The following GRM7 variants were observed in gnomAD, a reference collection of about 807,000 sequenced individuals.
GRM7 encodes glutamate metabotropic receptor 7.
Under a neutral mutation model 84.5 loss-of-function variants are expected in GRM7, and 35 were observed. The ratio of observed to expected loss-of-function variants is 0.41; its 90% CI spans 0.32 to 0.55. The LOEUF (loss-of-function observed/expected upper bound fraction) is 0.55. Ranked by LOEUF, GRM7 falls within the 20% of genes least tolerant of loss-of-function variation. The pLI, the probability that GRM7 is intolerant of heterozygous loss-of-function variation, is 0.19. For missense variants in GRM7, 1,003 were observed against 1,194.6 expected, an observed-to-expected ratio of 0.84 and a Z score of 2.36; for synonymous variants, 487 against 455.1, an observed-to-expected ratio of 1.07 and a Z score of -0.89.
rs73019805 is a variant in GRM7 at position 7,543,516 on chromosome 3, G to A, written c.1516-34906G>A. Among the ~76,000 whole-genome samples, 345 of 152,312 alleles carry A rather than the reference G, an allele frequency of 2.3e-3. 2 individuals are homozygous for A. The highest frequency in any genetic ancestry group is 6.8e-3 in the Middle Eastern group (2 of 294). On this transcript the variant is annotated intron_variant, in intron 7 of 9. Transcript: ENST00000357716. ...GGCCACGTTTTCACTTTCCAGCCAC[G>A]CATTCAGCTAATTGCTTTGGCAGCA...
At chr3:7,441,930 C>T (rs1278484235) in intron 5 of GRM7, among the ~76,000 whole-genome samples, 1 of 150,572 alleles carries the variant, frequency 6.6e-6, no homozygotes, top group East Asian at 1.9e-4. Context: ...CAGTTTTGTT[C>T]TTTTTGCTTA....
intron 1 of GRM7, among the ~76,000 whole-genome samples, chr3:7,026,338 T>C (rs1695982011): frequency 6.6e-6 from 1 of 152,160 alleles, no homozygotes; most frequent in South Asian, 2.1e-4. Context: ...AGAAATACCA[T>C]CATATGAATA....
In GRM7 at chr3:7,056,384, T is replaced by C. The variant is rs896536666; in HGVS notation, c.520-90068T>C. Reference sequence around the variant, plus strand: ...TTTACTTTCTCATCAGGTTTCAGGGTGCCTGGCCACAGCCGGGGTTGGCTT... The same window carrying C: ...TTTACTTTCTCATCAGGTTTCAGGGCGCCTGGCCACAGCCGGGGTTGGCTT... On this transcript the variant is annotated intron_variant, in intron 1 of 9. Transcript: ENST00000357716. 2.0e-5 allele frequency among the ~76,000 whole-genome samples: 3 copies of C among 151,968 alleles called. No homozygotes were observed. In the South Asian group the frequency reaches 6.2e-4, roughly 31 times the overall value.
intron 5 of GRM7, among the ~76,000 whole-genome samples, chr3:7,420,672 C>G (rs916699276): frequency 1.3e-5 from 2 of 152,118 alleles, no homozygotes; most frequent in African/African-American, 4.8e-5. Flanking sequence ...CTTCCCCTAC[C>G]TACCTCTATA....
intron 4 of GRM7, among the ~76,000 whole-genome samples, chr3:7,309,442 T>C (rs1329885190): frequency 6.6e-6 from 1 of 152,182 alleles, no homozygotes; most frequent in East Asian, 1.9e-4. Context: ...TCATATTGAA[T>C]TATGCTGGGG....
chr3:6,881,553 G>C (rs1695507405), intron 1 of GRM7, among the ~76,000 whole-genome samples: 1 of 151,496 alleles, frequency 6.6e-6, no homozygotes, highest in African/African-American at 2.4e-5. Flanking sequence ...ATGGGCATTT[G>C]GTCTAATACC....
intron 1 of GRM7, among the ~76,000 whole-genome samples, chr3:7,004,537 G>A (rs891951418): frequency 5.3e-5 from 8 of 152,070 alleles, no homozygotes; most frequent in Non-Finnish European, 8.8e-5. Flanking sequence ...AAAGGGTTAC[G>A]TGAAATATCT....
intron 8 of GRM7, among the ~76,000 whole-genome samples, chr3:7,623,409 C>T (rs750902837): frequency 3.3e-5 from 5 of 152,110 alleles, no homozygotes; most frequent in African/African-American, 4.8e-5. Flanking sequence ...TAACTACAAA[C>T]AAAATACTGC....
intron 2 of GRM7, among the ~76,000 whole-genome samples, chr3:7,213,432 A>C (rs1696496210): frequency 6.6e-6 from 1 of 152,172 alleles, no homozygotes; most frequent in Non-Finnish European, 1.5e-5. Context: ...TCAATCTCTT[A>C]ATGTTACAGA....
intron 1 of GRM7, among the ~76,000 whole-genome samples, chr3:6,980,291 A>G (rs1432555190): frequency 1.3e-5 from 2 of 152,158 alleles, no homozygotes; most frequent in African/African-American, 2.4e-5. Flanking sequence ...GAGGCCATAG[A>G]CCTTTACAGA....
rs761880723 is a variant in GRM7 at position 7,306,619 on chromosome 3, A to G, written c.1000A>G (p.Ile334Val). The part of the protein sequence containing the change: ...HQHEDIAEGA[I>V]TIQPKRATVE... ...GCATGAAGATATCGCAGAAGGGGCC[A>G]TCACCATTCAGCCCAAGCGAGCCAC... The change falls in exon 4 of 10, where the codon ATC becomes GTC. Residue 334 changes from isoleucine (I) to valine (V), a missense_variant. Coordinates refer to ENST00000357716, the MANE Select transcript of GRM7 (RefSeq NM_000844.4). 3 of 1,611,786 alleles carry G rather than the reference A, an allele frequency of 1.9e-6. No homozygotes were observed. The highest frequency in any genetic ancestry group is 1.7e-5 in the Admixed American group (1 of 59,662).
chr3:7,114,854 C>G (rs1179277822), intron 1 of GRM7, among the ~76,000 whole-genome samples: 3 of 152,090 alleles, frequency 2.0e-5, no homozygotes, highest in Admixed American at 2.0e-4. Context: ...CATCGCTGAT[C>G]TCAGGAACAA....
chr3:7,558,225 C>A (rs1693859851), intron 7 of GRM7, among the ~76,000 whole-genome samples: 1 of 151,950 alleles, frequency 6.6e-6, no homozygotes, highest in Admixed American at 6.6e-5. Context: ...ATTCCAAGTT[C>A]AGGGGAATAA....
intron 1 of GRM7, among the ~76,000 whole-genome samples, chr3:7,108,161 G>A (rs1196572679): frequency 6.6e-6 from 1 of 152,014 alleles, no homozygotes; most frequent in African/African-American, 2.4e-5. Context: ...AGTAAGTGCT[G>A]CACGATAGAG....
In GRM7 at chr3:7,115,382, A is replaced by G. The variant is rs1692996701; in HGVS notation, c.520-31070A>G. Among the ~76,000 whole-genome samples the G allele has an allele frequency of 2.0e-5, 3 of 152,282 alleles. No homozygotes were observed. The South Asian group carries it at 6.2e-4, about 32-fold the overall frequency. On this transcript the variant is annotated intron_variant, in intron 1 of 9. Transcript: ENST00000357716. ...AAAATAACATATGTCAAGCACCTGAAAAAATCCTAGGTGCTCTGAGCGTGC... is the reference window on the plus strand; with the variant it reads ...AAAATAACATATGTCAAGCACCTGAGAAAATCCTAGGTGCTCTGAGCGTGC...
chr3:7,627,678 C>G (rs1199078709), intron 8 of GRM7, among the ~76,000 whole-genome samples: 2 of 152,102 alleles, frequency 1.3e-5, no homozygotes, highest in Admixed American at 6.6e-5. Flanking sequence ...GTGGTGGAAA[C>G]AACAGAAATT....
intron 4 of GRM7, among the ~76,000 whole-genome samples, chr3:7,348,422 C>G (rs887298635): frequency 6.6e-6 from 1 of 152,076 alleles, no homozygotes; most frequent in Non-Finnish European, 1.5e-5. Context: ...AGGAAAATTT[C>G]TTTTATTTTT....
chr3:7,474,765 A>C (rs1172364648), intron 7 of GRM7, among the ~76,000 whole-genome samples: 1 of 151,638 alleles, frequency 6.6e-6, no homozygotes, highest in Non-Finnish European at 1.5e-5. Context: ...ACAGTATTCT[A>C]GGGACATGAG....
rs1211652091 is a variant in GRM7 at position 7,452,659 on chromosome 3, G to C, written c.1227G>C (p.Gln409His). 2.5e-6 allele frequency: 4 copies of C among 1,613,468 alleles called. No individual in the cohort carries two copies. The highest frequency in any genetic ancestry group is 2.7e-5 in the African/African-American group (2 of 74,890). The change falls in exon 6 of 10, where the codon CAG becomes CAC. Residue 409 changes from glutamine to histidine, a missense_variant. Gln to His is a conservative substitution (Grantham distance 24, BLOSUM62 0). Coordinates refer to ENST00000357716, the MANE Select transcript of GRM7 (RefSeq NM_000844.4). ...DSNYEQEGKV[Q>H]FVIDAVYAMA... is the part of the protein sequence containing the mutation. ...ACTATGAGCAGGAGGGTAAAGTCCA[G>C]TTCGTGATTGACGCAGTCTATGCTA...
Sources: gnomAD v4.1 joint callset for allele counts (sites outside exome capture counted in the v4.1 genomes callset) on GRCh38, gnomAD v4.1.1 for gene constraint, MANE v1.5 for transcripts, NCBI Gene and HGNC (gene_info 2026-07-23, HGNC 2026-07-21) for gene names.